CLVS1: variants seen among roughly 807,000 people sequenced by gnomAD.
CLVS1 encodes clavesin-1.
Under a neutral mutation model 33.1 loss-of-function variants are expected in CLVS1, and 10 were observed. The ratio of observed to expected loss-of-function variants is 0.30; its 90% CI spans 0.19 to 0.51. The LOEUF (loss-of-function observed/expected upper bound fraction) is 0.51. CLVS1 is among the 20% of genes least tolerant of loss of function. CLVS1 has a pLI of 0.97. For missense variants in CLVS1, 343 were observed against 433.4 expected, an observed-to-expected ratio of 0.79 and a Z score of 1.85; for synonymous variants, 163 against 166.1, an observed-to-expected ratio of 0.98 and a Z score of 0.14.
chr8:61,499,180 CTTATTT>C (rs1331574207), intron 5 of CLVS1, among the ~76,000 whole-genome samples: 1 of 151,462 alleles, frequency 6.6e-6, no homozygotes, highest in Admixed American at 6.6e-5. Flanking sequence ...GTCTTTATTT[CTTATTT>C]TTATTTTGGA....
intron 2 of CLVS1, among the ~76,000 whole-genome samples, chr8:61,356,603 G>A (rs1237557693): frequency 6.6e-6 from 1 of 151,984 alleles, no homozygotes; most frequent in Non-Finnish European, 1.5e-5. Context: ...AAGGTGTAAG[G>A]AAGGGATCCA....
rs529402458 is a variant in CLVS1 at position 61,476,980 on chromosome 8, C to T, written c.977+18438C>T. ...ATTTTGAGATACATCCCATCAATAC[C>T]TAATTTATTGAGAGTTTCTAGCATG... On this transcript the variant is annotated intron_variant, in intron 5 of 5. Transcript: ENST00000325897. Among the ~76,000 whole-genome samples the T allele has an allele frequency of 5.3e-5, 8 of 152,174 alleles. No homozygotes were observed. The South Asian group carries it at 1.7e-3, about 32-fold the overall frequency.
the CLVS1 span, among the ~76,000 whole-genome samples, chr8:60,986,063 A>G: frequency 6.6e-6 from 1 of 152,228 alleles, no homozygotes; most frequent in Non-Finnish European, 1.5e-5. Flanking sequence ...CTGAATACCC[A>G]GCAATGTGTG....
intron 2 of CLVS1, among the ~76,000 whole-genome samples, chr8:61,260,187 C>T (rs3857973): frequency 0.27 from 41,229 of 152,118 alleles, 8,067 homozygotes; most frequent in East Asian, 0.85. Context: ...ACATGCTATA[C>T]TTTGCTTATT....
chr8:61,234,481 A>G (rs1367232846), intron 2 of CLVS1, among the ~76,000 whole-genome samples: 1 of 152,200 alleles, frequency 6.6e-6, no homozygotes. Context: ...GAGGACAACT[A>G]GAAGTGCATA....
At chr8:61,318,761 T>C (rs1811096283) in intron 2 of CLVS1, among the ~76,000 whole-genome samples, 1 of 152,094 alleles carries the variant, frequency 6.6e-6, no homozygotes, top group African/African-American at 2.4e-5. Context: ...AAGCCATATC[T>C]GGTCCTTTTT....
chr8:61,049,151 T>C, the CLVS1 span, among the ~76,000 whole-genome samples: 3 of 152,260 alleles, frequency 2.0e-5, no homozygotes, highest in South Asian at 4.2e-4. Flanking sequence ...AAGGACATTA[T>C]AGGAAGGGAA....
At chr8:61,449,501 G>A (rs1816877567) in intron 3 of CLVS1, among the ~76,000 whole-genome samples, 1 of 152,218 alleles carries the variant, frequency 6.6e-6, no homozygotes, top group African/African-American at 2.4e-5. Flanking sequence ...CTAGGGTGAA[G>A]ATCAGGCTGC....
At chr8:61,307,379 T>A (rs1810667373) in intron 2 of CLVS1, among the ~76,000 whole-genome samples, 1 of 152,120 alleles carries the variant, frequency 6.6e-6, no homozygotes, top group Non-Finnish European at 1.5e-5. Context: ...GTAAACAATT[T>A]GATTAGAGTC....
rs28420816 is a variant in CLVS1, at chr8:61,224,643, C to T, written c.-151-75034C>T. ...GACAACCCCTGTTGGGGGGTCTCAC[C>T]CCGTTGGGTGGCATAGGGAGCAGGA... On this transcript the variant is annotated intron_variant, in intron 2 of 2. Transcript: ENST00000522621. Among the ~76,000 whole-genome samples the T allele has an allele frequency of 1.9e-3, 285 of 152,238 alleles. 1 individual carries two copies. The highest frequency in any genetic ancestry group is 3.2e-3 in the Non-Finnish European group (219 of 68,012).
At chr8:60,978,617 C>T in the CLVS1 span, among the ~76,000 whole-genome samples, 1 of 151,782 alleles carries the variant, frequency 6.6e-6, no homozygotes, top group Admixed American at 6.6e-5. Context: ...GATTTTGAGA[C>T]CATCCTGGCC....
intron 3 of CLVS1, among the ~76,000 whole-genome samples, chr8:61,433,975 A>AG (rs1331357860): frequency 6.6e-6 from 1 of 151,662 alleles, no homozygotes; most frequent in African/African-American, 2.4e-5. Context: ...GGGCTAGAAG[A>AG]GGGGCCTTCC....
intron 3 of CLVS1, among the ~76,000 whole-genome samples, chr8:61,382,172 A>G (rs147218841): frequency 1.3e-5 from 2 of 152,314 alleles, no homozygotes; most frequent in East Asian, 1.9e-4. Context: ...TCAATGGGCA[A>G]TGGTAGTTCA....
intron 5 of CLVS1, among the ~76,000 whole-genome samples, chr8:61,459,801 T>C (rs1044851819): frequency 1.3e-5 from 2 of 152,172 alleles, no homozygotes; most frequent in Non-Finnish European, 2.9e-5. Flanking sequence ...TACTACAGAC[T>C]GGGTGGTTTA....
the CLVS1 span, among the ~76,000 whole-genome samples, chr8:60,982,771 C>T: frequency 6.6e-6 from 1 of 152,190 alleles, no homozygotes; most frequent in Non-Finnish European, 1.5e-5. Flanking sequence ...TAACCAGTTA[C>T]TACTCCTTGA....
intron 2 of CLVS1, among the ~76,000 whole-genome samples, chr8:61,191,261 C>T (rs1807467989): frequency 2.0e-5 from 3 of 152,212 alleles, no homozygotes; most frequent in African/African-American, 7.2e-5. Flanking sequence ...GTAAACAGAA[C>T]CAAAGACAAA....
the CLVS1 span, among the ~76,000 whole-genome samples, chr8:61,017,835 T>C: frequency 5.3e-5 from 8 of 152,236 alleles, no homozygotes; most frequent in Non-Finnish European, 1.0e-4. Flanking sequence ...TCCTCTGTAT[T>C]GATCACCTGG....
In CLVS1 at chr8:61,486,059, C is replaced by A. The variant is rs558805950; in HGVS notation, c.978-13396C>A. On this transcript the variant is annotated intron_variant, in intron 5 of 5. Coordinates refer to ENST00000325897, the MANE Select transcript of CLVS1 (RefSeq NM_173519.3). Reference sequence around the variant, plus strand: ...CATGTATACATATGTAACTAACCTGCACGTTGTGCACATGTACCCTACAAC... The same window carrying A: ...CATGTATACATATGTAACTAACCTGAACGTTGTGCACATGTACCCTACAAC... 1.9e-3 allele frequency among the ~76,000 whole-genome samples: 294 copies of A among 151,916 alleles called. 3 individuals are homozygous for A. The highest frequency in any genetic ancestry group is 8.2e-4 in the Non-Finnish European group (56 of 67,982).
At chr8:61,232,136 G>C (rs1808459672) in intron 2 of CLVS1, among the ~76,000 whole-genome samples, 1 of 148,724 alleles carries the variant, frequency 6.7e-6, no homozygotes, top group East Asian at 2.1e-4. Context: ...CCGGGTTCAG[G>C]CCATTCTCCT....
Sources: allele counts gnomAD v4.1 joint callset (sites outside exome capture counted in the v4.1 genomes callset), GRCh38; gene constraint gnomAD v4.1.1; transcripts MANE v1.5; gene names NCBI Gene and HGNC (gene_info 2026-07-23, HGNC 2026-07-21).